Variants in CFAP410 observed in about 807,000 individuals in gnomAD.
CFAP410 encodes the protein cilia and flagella associated protein 410, also known as cilia- and flagella-associated protein 410.
CFAP410 carries 27 observed loss-of-function variants against 25.7 expected under a neutral mutation model. The ratio of observed to expected loss-of-function variants is 1.05; its 90% CI spans 0.77 to 1.45. The LOEUF (loss-of-function observed/expected upper bound fraction) is 1.45, where lower values mean the gene tolerates loss of function less well. Among genes scored for constraint, CFAP410 ranks in the 40% most tolerant of loss-of-function variants. The pLI, the probability that CFAP410 is intolerant of heterozygous loss-of-function variation, is 0.00. For synonymous variants in CFAP410, 178 were observed against 158.4 expected (o/e 1.12, Z -0.93); for missense variants, 428 against 354.1 (o/e 1.21, Z -1.67).
chr21:44,330,466 C>A, intron 6 of CFAP410, 140 bp from the exon 7 acceptor site: 1 of 1,530,582 alleles, frequency 6.5e-7, no homozygotes, highest in Non-Finnish European at 8.8e-7. Context: ...GACTGACCGG[C>A]ACACTCGGAG....
intron 4 of CFAP410, chr21:44,332,695 C>T (rs947163563): frequency 1.8e-5 from 6 of 326,970 alleles, no homozygotes; most frequent in Non-Finnish European, 2.8e-5. Context: ...CTGACGCCCC[C>T]GCTCGCCATG....
chr21:44,338,701 C>G (rs1422515342), intron 1 of CFAP410: 1 of 153,264 alleles, frequency 6.5e-6, no homozygotes, highest in Non-Finnish European at 1.4e-5. Flanking sequence ...CGGCCTCCTC[C>G]CCTCCCTCAC....
At position 44,329,297 on chromosome 21, in the gene CFAP410, C is replaced by T. The variant is rs975808365; in HGVS notation, c.*901G>A. ...GAATATCTCATGGAGATCTGGATCTCAACCCCACATGGGACAAGGGCCCAG... is the reference window on the plus strand; with the variant it reads ...GAATATCTCATGGAGATCTGGATCTTAACCCCACATGGGACAAGGGCCCAG... On this transcript the variant is annotated 3_prime_UTR_variant, in exon 7 of 7. Transcript: ENST00000339818. 1 of 152,254 alleles carries T rather than the reference C, an allele frequency of 6.6e-6. No individual in the cohort carries two copies. The highest frequency in any genetic ancestry group is 2.4e-5 in the African/African-American group (1 of 41,444). The allele number at this position is 152,254 out of a possible 1,614,324, so 9.4% of individuals were successfully genotyped here. A position where few individuals can be genotyped will look rare whatever the true frequency, so the allele number is the denominator to read the frequency against.
At position 44,339,229 on chromosome 21, in the gene CFAP410, G is replaced by A. The variant is rs1341302860; in HGVS notation, c.-35C>T. 2.9e-6 allele frequency: 4 copies of A among 1,364,516 alleles called. No homozygotes were observed. The highest frequency in any genetic ancestry group is 1.5e-5 in the African/African-American group (1 of 65,034). The allele number at this position is 1,364,516 out of a possible 1,614,324, so 84.5% of individuals were successfully genotyped here. A position where few individuals can be genotyped will look rare whatever the true frequency, so the allele number is the denominator to read the frequency against. ...CCAGGCCCGACCGGCGGGCGCCCCC[G>A]GCCTCCTGATCCCGGGCGGGTGACG... On this transcript the variant is annotated 5_prime_UTR_variant, in exon 1 of 7. Coordinates refer to ENST00000339818, the MANE Select transcript of CFAP410 (RefSeq NM_004928.3).
In CFAP410 at chr21:44,331,040, A is replaced by C. The variant is rs536876713; in HGVS notation, c.546-121T>G. 5.1e-5 allele frequency: 46 copies of C among 909,844 alleles called. No individual in the cohort carries two copies. In the African/African-American group the frequency reaches 7.5e-4, roughly 15 times the overall value. 56.4% of individuals were successfully genotyped at this position (909,844 alleles called of 1,614,324 possible). On this transcript the variant is annotated intron_variant, in intron 5 of 6. Transcript: ENST00000339818. ...GGGGCTCATACAAATCCCACCTGGC[A>C]CACGGGGGCAAGAGAAGGGAGGCAA...
chr21:44,333,137 C>A lies in CFAP410; in HGVS notation c.269G>T (p.Arg90Leu), dbSNP rs567435284. ...LFYLKGLPRL[R>L]VLWLAENPCC... ...CGGGTTCTCGGCCAGCCACAGCACC[C>A]GCAGACGCGGCAGCCCCTTCAGGTA... The change falls in exon 4 of 7, where the codon CGG becomes CTG. Residue 90 changes from arginine to leucine, a missense_variant. Arg to Leu is a moderately radical substitution (Grantham distance 102). Coordinates refer to ENST00000339818, the MANE Select transcript of CFAP410 (RefSeq NM_004928.3). The A allele has an allele frequency of 1.1e-5, 17 of 1,612,164 alleles. No homozygotes were observed. The highest frequency in any genetic ancestry group is 1.7e-4 in the Middle Eastern group (1 of 6,060).
chr21:44,330,551 C>G (rs2047626014), intron 6 of CFAP410: 2 of 1,549,190 alleles, frequency 1.3e-6, no homozygotes, highest in Non-Finnish European at 1.7e-6. Flanking sequence ...GCCCTCAGCC[C>G]AGCAGGGCCC....
intron 2 of CFAP410, 38 bp downstream of exon 2, chr21:44,337,611 G>A: frequency 3.1e-6 from 5 of 1,594,906 alleles, no homozygotes; most frequent in Non-Finnish European, 4.3e-6. Flanking sequence ...ATTTGGAGAT[G>A]ATCAGTGCAA....
At chr21:44,334,266 C>T in intron 3 of CFAP410, 1 of 456,324 alleles carries the variant, frequency 2.2e-6, no homozygotes, top group Non-Finnish European at 4.4e-6. Flanking sequence ...AATGGCCCCA[C>T]ACACGAGCGG....
chr21:44,337,786 T>G, intron 1 of CFAP410, 119 bp from the exon 2 acceptor site: 1 of 793,516 alleles, frequency 1.3e-6, no homozygotes, highest in South Asian at 1.6e-5. Flanking sequence ...AGGATTTTAA[T>G]GGCATGGCAA....
intron 2 of CFAP410, chr21:44,336,960 C>A (rs918256429): frequency 6.6e-6 from 1 of 151,852 alleles, no homozygotes; most frequent in Non-Finnish European, 1.5e-5. Flanking sequence ...GTGGTGGGTG[C>A]CTGTAGTCCC....
Position 44,330,823 on chromosome 21 carries a change from C to T in CFAP410, c.642G>A (p.Arg214=). 6.2e-7 allele frequency: 1 copy of T among 1,600,240 alleles called. No individual in the cohort carries two copies. The change falls in exon 6 of 7, where the codon AGG becomes AGA. Residue 214 remains arginine, a splice_region_variant and synonymous_variant. Transcript: ENST00000339818. The part of the protein sequence containing the change: ...ARDASSSHRG[R]NVLTAILLLL... ...CGGCCCCTAGCGGCCCGCCACTCAC[C>T]CTGCCCCTGTGGCTGCTCGAGGCAT...
At position 44,332,203 on chromosome 21, in the gene CFAP410, C is replaced by T. The variant is rs148867563; in HGVS notation, c.374-189G>A. 74 of 540,842 alleles carry T rather than the reference C, an allele frequency of 1.4e-4. 1 individual carries two copies. In the East Asian group the frequency reaches 2.3e-3, roughly 17 times the overall value. 33.5% of individuals were successfully genotyped at this position (540,842 alleles called of 1,614,324 possible). ...TCACTGTCCCATCCCCAGCCTGGCA[C>T]AGGCTGACACACAACAGATGGTGGA... On this transcript the variant is annotated intron_variant, in intron 4 of 6. Transcript: ENST00000339818.
chr21:44,332,294 G>A (rs1382830939), intron 4 of CFAP410: 37 of 389,316 alleles, frequency 9.5e-5, no homozygotes, highest in African/African-American at 1.0e-4. Context: ...CCTCAACTAA[G>A]ACACAATAGA....
intron 3 of CFAP410, 143 bp downstream of exon 3, chr21:44,335,615 G>A (rs937983998): frequency 3.6e-5 from 24 of 673,852 alleles, no homozygotes; most frequent in Non-Finnish European, 5.0e-5. Flanking sequence ...TCGCTGTCCC[G>A]GCCCCTCCCC....
At position 44,339,358 on chromosome 21, in the gene CFAP410, G is replaced by GCT. The variant is rs2047826627; in HGVS notation, c.-165_-164insAG. The GCT allele has an allele frequency of 2.3e-6, 1 of 426,106 alleles. No individual in the cohort carries two copies. 26.4% of individuals were successfully genotyped at this position (426,106 alleles called of 1,614,324 possible). ...AGAGCGGGGCGACGCGAGCCCGCTG[G>GCT]GGCCGCTTGGGCGCCGCTGACACGT... On this transcript the variant is annotated 5_prime_UTR_variant, in exon 1 of 7. Coordinates refer to ENST00000339818, the MANE Select transcript of CFAP410 (RefSeq NM_004928.3).
At chr21:44,338,408 T>A (rs751472028) in intron 1 of CFAP410, 174 of 920,286 alleles carry the variant, frequency 1.9e-4, no homozygotes, top group Non-Finnish European at 2.5e-4. Flanking sequence ...CTCCTGGTCT[T>A]CCTTGGCTCA....
chr21:44,332,055 C>A (rs1356412020), intron 4 of CFAP410, 41 bp from the exon 5 acceptor site: 1 of 1,546,612 alleles, frequency 6.5e-7, no homozygotes, highest in Non-Finnish European at 8.8e-7. Context: ...GTGGCCTCAC[C>A]CACGTGCAGG....
At chr21:44,334,537 CAACCTCTGGGCGGGCACGCGCACCCCTG>C (rs2047718458) in intron 3 of CFAP410, 1 of 328,044 alleles carries the variant, frequency 3.0e-6, no homozygotes, top group Admixed American at 4.3e-5. Context: ...CCCCCCCGCT[CAACCTCTGGGCGGGCACGCGCACCCCTG>C]CTCAACCTCT....
Sources: gnomAD v4.1 joint callset for allele counts on GRCh38, gnomAD v4.1.1 for gene constraint, MANE v1.5 for transcripts, NCBI Gene and HGNC (gene_info 2026-07-23, HGNC 2026-07-21) for gene names.